ENTPD1: variants seen among roughly 807,000 people sequenced by gnomAD.
ENTPD1 encodes the protein ectonucleoside triphosphate diphosphohydrolase 1, also known as ATP diphosphohydrolase.
In ENTPD1, 33 loss-of-function variants were observed where a neutral mutation model predicts 57.0. That is an observed-to-expected ratio of 0.58 (90% confidence interval 0.44 to 0.77). The LOEUF is 0.77. ENTPD1 is among the 30% of genes least tolerant of loss of function. The pLI is 0.00. For missense variants in ENTPD1, 501 were observed against 603.4 expected (o/e 0.83, Z 1.78); for synonymous variants, 202 against 218.8 (o/e 0.92, Z 0.68).
chr10:95,858,257 TC>T (rs896318924), intron 7 of ENTPD1, among the ~76,000 whole-genome samples: 1 of 150,762 alleles, frequency 6.6e-6, no homozygotes, highest in African/African-American at 2.4e-5. Context: ...GAAGTGGAAG[TC>T]CAGGGAATTC....
At chr10:95,842,549 G>A in intron 4 of ENTPD1, 55 bp downstream of exon 4, 7 of 1,588,030 alleles carry the variant, frequency 4.4e-6, no homozygotes, top group Non-Finnish European at 6.0e-6. Flanking sequence ...GGCAGTGAAA[G>A]AGCCTCTGAA....
chr10:95,829,481 G>T (rs1249730932), intron 2 of ENTPD1, among the ~76,000 whole-genome samples: 1 of 152,212 alleles, frequency 6.6e-6, no homozygotes, highest in Non-Finnish European at 1.5e-5. Context: ...AAGCTGCTGG[G>T]CAGAAATAGA....
chr10:95,809,833 A>AGG lies in ENTPD1; in HGVS notation c.17-13403_17-13402insGG, dbSNP rs769046777. 4.8e-3 allele frequency among the ~76,000 whole-genome samples: 631 copies of AGG among 130,832 alleles called. 2 individuals carry two copies. The highest frequency in any genetic ancestry group is 0.014 in the South Asian group (50 of 3,480). The allele number at this position is 130,832 out of a possible 152,430, so 85.8% of individuals were successfully genotyped here. A position where few individuals can be genotyped will look rare whatever the true frequency, so the allele number is the denominator to read the frequency against. ...GTGCTCCCCACTTCCCAGACGGGGC[A>AGG]GCGGCCGGGCTGAGATGCTCCTCAC... On this transcript the variant is annotated intron_variant, in intron 1 of 9. Transcript: ENST00000371205.
At chr10:95,721,374 C>T (rs1394186077) in intron 1 of ENTPD1, among the ~76,000 whole-genome samples, 1 of 152,204 alleles carries the variant, frequency 6.6e-6, no homozygotes, top group East Asian at 1.9e-4. Flanking sequence ...CCTCTGTTGT[C>T]ATCCTATCAT....
intron 2 of ENTPD1, among the ~76,000 whole-genome samples, chr10:95,828,717 T>C (rs979513571): frequency 2.0e-5 from 3 of 151,632 alleles, no homozygotes; most frequent in African/African-American, 4.9e-5. Context: ...CCATTTTTTT[T>C]TTTTTTTTTT....
upstream of ENTPD1, chr10:95,756,162 C>T (rs2098022547): frequency 1.9e-6 from 3 of 1,560,002 alleles, no homozygotes; most frequent in Non-Finnish European, 1.7e-6. Flanking sequence ...GGACCTCTCT[C>T]ACGGAGACGG....
intron 7 of ENTPD1, among the ~76,000 whole-genome samples, chr10:95,850,378 G>A (rs1452074612): frequency 6.6e-6 from 1 of 152,110 alleles, no homozygotes; most frequent in African/African-American, 2.4e-5. Flanking sequence ...CCTCTGTAAT[G>A]TATCCCTAAG....
At chr10:95,717,899 C>A (rs1451043750) in intron 1 of ENTPD1, among the ~76,000 whole-genome samples, 2 of 152,168 alleles carry the variant, frequency 1.3e-5, no homozygotes, top group Non-Finnish European at 2.9e-5. Context: ...GCATCTGGGG[C>A]TCCATTTGAA....
chr10:95,797,720 C>T (rs1268334018), intron 1 of ENTPD1, among the ~76,000 whole-genome samples: 2 of 152,140 alleles, frequency 1.3e-5, no homozygotes, highest in East Asian at 3.9e-4. Flanking sequence ...ACTAACAGAA[C>T]GAGAACTCGC....
Position 95,795,999 on chromosome 10 carries a change from A to G in ENTPD1, c.17-27238A>G, listed in dbSNP as rs890189824. Among the ~76,000 whole-genome samples, 134 of 152,218 alleles carry G rather than the reference A, an allele frequency of 8.8e-4. 1 individual carries two copies. The highest frequency in any genetic ancestry group is 3.0e-3 in the African/African-American group (125 of 41,452). On this transcript the variant is annotated intron_variant, in intron 1 of 9. Coordinates refer to ENST00000371205, the MANE Select transcript of ENTPD1 (RefSeq NM_001776.6). ...AACATCTGTCCCCTTGCTTCCTAGAAAACATGGAAACTGAAGTTGAGGTTG... is the reference window on the plus strand; with the variant it reads ...AACATCTGTCCCCTTGCTTCCTAGAGAACATGGAAACTGAAGTTGAGGTTG...
chr10:95,786,488 C>T (rs560979563), intron 1 of ENTPD1, among the ~76,000 whole-genome samples: 1 of 152,232 alleles, frequency 6.6e-6, no homozygotes, highest in East Asian at 1.9e-4. Flanking sequence ...TATTGCACTA[C>T]CGTCCTTTGC....
At chr10:95,842,323 A>G (rs1471571516) in intron 3 of ENTPD1, 21 bp from the exon 4 acceptor site, 5 of 1,603,642 alleles carry the variant, frequency 3.1e-6, no homozygotes, top group African/African-American at 1.3e-5. Flanking sequence ...AAAGATTGTT[A>G]TCTTCTACAT....
At chr10:95,798,791 AC>A (rs1398327050) in intron 1 of ENTPD1, among the ~76,000 whole-genome samples, 1 of 152,208 alleles carries the variant, frequency 6.6e-6, no homozygotes, top group African/African-American at 2.4e-5. Flanking sequence ...AGGTAGAGAC[AC>A]ATTTTCCTTC....
At chr10:95,848,835 T>C (rs2098440126) in intron 7 of ENTPD1, among the ~76,000 whole-genome samples, 1 of 152,192 alleles carries the variant, frequency 6.6e-6, no homozygotes, top group African/African-American at 2.4e-5. Flanking sequence ...CTAATTATTG[T>C]TTATCACCTG....
the ENTPD1 span, among the ~76,000 whole-genome samples, chr10:95,694,336 T>C: frequency 6.6e-6 from 1 of 151,700 alleles, no homozygotes; most frequent in Admixed American, 6.6e-5. Flanking sequence ...AAACCCTTTC[T>C]ATGGAAGAAT....
At chr10:95,829,800 G>C (rs2098390623) in intron 2 of ENTPD1, among the ~76,000 whole-genome samples, 1 of 152,066 alleles carries the variant, frequency 6.6e-6, no homozygotes, top group Non-Finnish European at 1.5e-5. Flanking sequence ...TTAATCCCCA[G>C]TATAATAGTA....
rs369187001 is a variant in ENTPD1, at chr10:95,872,550, AC to A, written c.*6169del. On this transcript the variant is annotated 3_prime_UTR_variant, in exon 10 of 10. Transcript: ENST00000371205. ...AGTCAGAATGTCTCTTCCTTGTGCT[AC>A]CACAACCCTTTAACTGAGCCTCCAT... The A allele has an allele frequency of 1.8e-5, 18 of 985,238 alleles. No individual in the cohort carries two copies. The African/African-American group carries it at 3.1e-4, about 17-fold the overall frequency. The allele number at this position is 985,238 out of a possible 1,614,324, so 61.0% of individuals were successfully genotyped here.
chr10:95,794,710 G>A (rs1259005681), intron 1 of ENTPD1, among the ~76,000 whole-genome samples: 3 of 152,164 alleles, frequency 2.0e-5, no homozygotes, highest in African/African-American at 7.2e-5. Flanking sequence ...TTAGTGTGGG[G>A]TTCAGGGTAG....
At chr10:95,761,160 G>A (rs1051007749) in intron 1 of ENTPD1, among the ~76,000 whole-genome samples, 1 of 152,108 alleles carries the variant, frequency 6.6e-6, no homozygotes, top group African/African-American at 2.4e-5. Context: ...TACTTCGGAG[G>A]AAGGCCAAAA....
Sources: allele counts gnomAD v4.1 joint callset (sites outside exome capture counted in the v4.1 genomes callset), GRCh38; gene constraint gnomAD v4.1.1; transcripts MANE v1.5; gene names NCBI Gene and HGNC (gene_info 2026-07-23, HGNC 2026-07-21).